Variants in PKNOX2 observed in about 807,000 individuals in gnomAD.
PKNOX2 encodes PBX/knotted 1 homeobox 2.
In PKNOX2, 14 loss-of-function variants were observed where a neutral mutation model predicts 53.1. The ratio of observed to expected loss-of-function variants is 0.26; its 90% CI spans 0.17 to 0.41. The LOEUF (loss-of-function observed/expected upper bound fraction) is 0.41, where lower values mean the gene tolerates loss of function less well. Ranked by LOEUF, PKNOX2 falls within the 10% of genes least tolerant of loss-of-function variation. The probability of loss-of-function intolerance (pLI) is 1.00; values close to 1 mark genes in which losing one functional copy is unlikely to be tolerated. For missense variants in PKNOX2, 496 were observed against 602.8 expected, an observed-to-expected ratio of 0.82 and a Z score of 1.85; for synonymous variants, 257 against 242.8, an observed-to-expected ratio of 1.06 and a Z score of -0.54.
intron 1 of PKNOX2, among the ~76,000 whole-genome samples, chr11:125,214,927 A>G (rs1940305035): frequency 6.6e-6 from 1 of 152,030 alleles, no homozygotes; most frequent in Admixed American, 6.5e-5. Flanking sequence ...GAGGAGAGAT[A>G]AAGGCGTGAG....
chr11:125,419,584 AC>A (rs1956065633), intron 10 of PKNOX2, among the ~76,000 whole-genome samples: 1 of 151,984 alleles, frequency 6.6e-6, no homozygotes. Flanking sequence ...TTAAGGATTA[AC>A]TTTTTAATGA....
At chr11:125,397,818 G>A (rs1231550865) in intron 6 of PKNOX2, 56 bp from the exon 7 acceptor site, 3 of 1,530,370 alleles carry the variant, frequency 2.0e-6, no homozygotes, top group Non-Finnish European at 8.9e-7. Context: ...GGGGGTCCAG[G>A]CAGTGAGGGA....
chr11:125,395,757 A>C (rs1954345460), intron 6 of PKNOX2, among the ~76,000 whole-genome samples: 1 of 152,048 alleles, frequency 6.6e-6, no homozygotes, highest in Non-Finnish European at 1.5e-5. Flanking sequence ...TCTTATGACC[A>C]TGTTCTAATT....
intron 1 of PKNOX2, among the ~76,000 whole-genome samples, chr11:125,210,512 G>A (rs1212679892): frequency 6.6e-6 from 1 of 152,124 alleles, no homozygotes; most frequent in East Asian, 1.9e-4. Flanking sequence ...GCACAGCGAG[G>A]CCCTCCCTTC....
intron 1 of PKNOX2, among the ~76,000 whole-genome samples, chr11:125,211,354 T>C (rs1223032767): frequency 1.3e-5 from 2 of 152,126 alleles, no homozygotes; most frequent in African/African-American, 4.8e-5. Flanking sequence ...TCTACAAATA[T>C]TTACTGAGTA....
chr11:125,366,906 G>A (rs1952219092), intron 4 of PKNOX2, among the ~76,000 whole-genome samples: 1 of 152,186 alleles, frequency 6.6e-6, no homozygotes, highest in South Asian at 2.1e-4. Context: ...CTAGTTGGAA[G>A]CTGGTGATGA....
intron 3 of PKNOX2, among the ~76,000 whole-genome samples, chr11:125,350,968 G>A (rs765551824): frequency 6.6e-6 from 1 of 152,140 alleles, no homozygotes; most frequent in African/African-American, 2.4e-5. Context: ...CTACCAGGCA[G>A]GCCCCCTCCC....
intron 7 of PKNOX2, among the ~76,000 whole-genome samples, chr11:125,401,201 A>T (rs1954727447): frequency 6.6e-6 from 1 of 152,088 alleles, no homozygotes; most frequent in South Asian, 2.1e-4. Context: ...AGGCTGAAGA[A>T]TTGGAGGAAA....
chr11:125,396,071 A>G (rs1042877970), intron 6 of PKNOX2, among the ~76,000 whole-genome samples: 5 of 151,294 alleles, frequency 3.3e-5, no homozygotes, highest in African/African-American at 1.2e-4. Context: ...CTCCTGCCTC[A>G]GCCTCCCAAG....
At position 125,165,883 on chromosome 11, in the gene PKNOX2, C is replaced by T. The variant is rs1344032775; in HGVS notation, c.-201+1107C>T. Among the ~76,000 whole-genome samples, 1 of 152,110 alleles carries T rather than the reference C, an allele frequency of 6.6e-6. No individual in the cohort carries two copies. Among genetic ancestry groups the T allele is most frequent in the South Asian group, 2.1e-4 (1 of 4,832 alleles). ...TGCCGCTCAAAGTTTGCATTTCTTT[C>T]GGGTTAGGAGACGGGCTTTCCTGGC... is the stretch of plus-strand genomic sequence containing the variant. On this transcript the variant is annotated intron_variant, in intron 1 of 12. Coordinates refer to ENST00000298282, the MANE Select transcript of PKNOX2 (RefSeq NM_001382323.2). The surrounding 1 kb of genome is among the most constrained non-coding windows in gnomAD (Gnocchi z 4.5).
chr11:125,251,799 T>C (rs1360348270), intron 2 of PKNOX2, among the ~76,000 whole-genome samples: 1 of 148,412 alleles, frequency 6.7e-6, no homozygotes, highest in African/African-American at 2.5e-5. Flanking sequence ...TATATATATA[T>C]TATATTTCTA....
In PKNOX2 at chr11:125,243,662, G is replaced by A. The variant is rs575902145; in HGVS notation, c.-130+8547G>A. ...TTTTGAGATAGGGTCTCGCTCTGTCGCCCAGGCTGGAGTGCAGTGGCGTGA... is the reference window on the plus strand; with the variant it reads ...TTTTGAGATAGGGTCTCGCTCTGTCACCCAGGCTGGAGTGCAGTGGCGTGA... On this transcript the variant is annotated intron_variant, in intron 2 of 12. Transcript: ENST00000298282. Among the ~76,000 whole-genome samples the A allele has an allele frequency of 6.1e-5, 9 of 147,018 alleles. No homozygotes were observed. The East Asian group carries it at 8.0e-4, about 13-fold the overall frequency.
chr11:125,241,796 A>G (rs1943166230), intron 2 of PKNOX2, among the ~76,000 whole-genome samples: 1 of 152,220 alleles, frequency 6.6e-6, no homozygotes, highest in Non-Finnish European at 1.5e-5. Context: ...TGGAGGTTGC[A>G]GTGAGCTGAG....
intron 2 of PKNOX2, among the ~76,000 whole-genome samples, chr11:125,237,814 A>C (rs1207938772): frequency 6.6e-6 from 1 of 152,150 alleles, no homozygotes; most frequent in Non-Finnish European, 1.5e-5. Context: ...GGTCTGGAGG[A>C]GTCCTAGACT....
intron 1 of PKNOX2, among the ~76,000 whole-genome samples, chr11:125,200,711 G>A (rs1938339155): frequency 6.6e-6 from 1 of 152,224 alleles, no homozygotes; most frequent in South Asian, 2.1e-4. Context: ...GTATTTATGT[G>A]ATGTGGAGTT....
chr11:125,191,363 G>A (rs546801226), intron 1 of PKNOX2: 105 of 152,352 alleles, frequency 6.9e-4, no homozygotes, highest in Middle Eastern at 3.4e-3. Context: ...TCAAGGGTGT[G>A]TAGGAATTTA....
At chr11:125,212,571 G>A (rs1022691624) in intron 1 of PKNOX2, among the ~76,000 whole-genome samples, 4 of 151,014 alleles carry the variant, frequency 2.6e-5, no homozygotes, top group African/African-American at 2.4e-5. Context: ...TCTAGGAGGG[G>A]ATTCTTAAAG....
chr11:125,196,289 T>A (rs1937679737), intron 1 of PKNOX2, among the ~76,000 whole-genome samples: 1 of 152,150 alleles, frequency 6.6e-6, no homozygotes, highest in Non-Finnish European at 1.5e-5. Flanking sequence ...CACTGACTCT[T>A]GTGCGTGCTG....
rs564815476 is a variant in PKNOX2 at position 125,390,811 on chromosome 11, T to A, written c.399+5089T>A. 4.6e-5 allele frequency among the ~76,000 whole-genome samples: 7 copies of A among 152,364 alleles called. No individual in the cohort carries two copies. In the South Asian group the frequency reaches 1.4e-3, roughly 32 times the overall value. On this transcript the variant is annotated intron_variant, in intron 6 of 12. Transcript: ENST00000298282. ...CATCAGAAGGAGAGTGCCAGGTTAT[T>A]GACTCCAAAATGATTTGACTTGTCT...
Sources: gnomAD v4.1 joint callset for allele counts (sites outside exome capture counted in the v4.1 genomes callset) on GRCh38, gnomAD v4.1.1 for gene constraint, Gnocchi (gnomAD v3.1) non-coding constraint, MANE v1.5 for transcripts, NCBI Gene and HGNC (gene_info 2026-07-23, HGNC 2026-07-21) for gene names.